UGT1A6: variants seen among roughly 807,000 people sequenced by gnomAD.
The protein encoded by UGT1A6 is UDP glucuronosyltransferase family 1 member A6, also known as UDP-glucuronosyltransferase 1A6.
Under a neutral mutation model 44.4 loss-of-function variants are expected in UGT1A6, and 32 were observed. That is an observed-to-expected ratio of 0.72 (90% CI 0.54 to 0.97). The LOEUF is 0.97. Ranked by LOEUF, UGT1A6 falls within the 50% of genes least tolerant of loss-of-function variation. UGT1A6 has a pLI of 0.00. For missense variants in UGT1A6, 685 were observed against 661.9 expected (o/e 1.03, Z -0.38); for synonymous variants, 238 against 248.5 (o/e 0.96, Z 0.40).
chr2:233,720,901 A>G (rs1393061406), intron 1 of UGT1A6, among the ~76,000 whole-genome samples: 5 of 132,048 alleles, frequency 3.8e-5, no homozygotes, highest in Admixed American at 7.7e-5. Flanking sequence ...AGTAGAGATG[A>G]GGTTTCGCAA....
At chr2:233,719,345 C>A in intron 1 of UGT1A6, 1 of 1,613,904 alleles carries the variant, frequency 6.2e-7, no homozygotes, top group Non-Finnish European at 8.5e-7. Context: ...TTTGGAGGTA[C>A]ATTCCATGTG....
chr2:233,704,493 GT>G (rs1301421606), intron 1 of UGT1A6, among the ~76,000 whole-genome samples: 1 of 151,394 alleles, frequency 6.6e-6, no homozygotes, highest in East Asian at 1.9e-4. Context: ...TGATATTATT[GT>G]TATACGTGGT....
At chr2:233,698,025 A>G (rs1191813775) in intron 1 of UGT1A6, among the ~76,000 whole-genome samples, 3 of 152,166 alleles carry the variant, frequency 2.0e-5, no homozygotes, top group Non-Finnish European at 2.9e-5. Context: ...GGTACCAATT[A>G]TCTTATTTTT....
intron 1 of UGT1A6, among the ~76,000 whole-genome samples, chr2:233,764,044 G>C (rs1237715809): frequency 6.6e-6 from 1 of 152,166 alleles, no homozygotes; most frequent in Non-Finnish European, 1.5e-5. Flanking sequence ...AAGAATTCTG[G>C]GAAAATGAAA....
chr2:233,770,205 T>G (rs1217853012), intron 4 of UGT1A6: 1 of 152,310 alleles, frequency 6.6e-6, no homozygotes, highest in Non-Finnish European at 1.5e-5. Flanking sequence ...TATTCATTTT[T>G]GAGCCATCCC....
intron 1 of UGT1A6, among the ~76,000 whole-genome samples, chr2:233,757,184 G>A (rs1386483916): frequency 6.6e-6 from 1 of 151,202 alleles, no homozygotes; most frequent in Non-Finnish European, 1.5e-5. Context: ...CAAGGCAGAG[G>A]ACTCTGAATT....
At chr2:233,725,020 A>T (rs1183477973) in intron 1 of UGT1A6, among the ~76,000 whole-genome samples, 2 of 147,776 alleles carry the variant, frequency 1.4e-5, no homozygotes. Flanking sequence ...AAACAGCAAA[A>T]CCCGGTCTCC....
Position 233,745,112 on chromosome 2 carries a change from G to A in UGT1A6, c.862-21922G>A, listed in dbSNP as rs1457181143. Among the ~76,000 whole-genome samples the A allele has an allele frequency of 3.3e-5, 5 of 151,730 alleles. No individual in the cohort carries two copies. In the South Asian group the frequency reaches 8.3e-4, roughly 25 times the overall value. On this transcript the variant is annotated intron_variant, in intron 1 of 4. Coordinates refer to ENST00000305139, the MANE Select transcript of UGT1A6 (RefSeq NM_001072.4). ...TCCCCCCAAATATTTTTAATCTGCT[G>A]TTGGCTGAATCTGCAGATGTGAAGC...
Position 233,772,346 on chromosome 2 carries a change from G to A in UGT1A6, c.1386G>A (p.Glu462=), listed in dbSNP as rs115944950. ...TGGACCTGGCCGTGTTCTGGGTGGA[G>A]TTTGTGATGAGGCACAAGGGCGCGC... The part of the protein sequence containing the change: ...EPLDLAVFWV[E]FVMRHKGAPH... Residue 462 remains glutamate, a synonymous_variant, in exon 5 of 5, where the codon GAG becomes GAA. Coordinates refer to ENST00000305139, the MANE Select transcript of UGT1A6 (RefSeq NM_001072.4). The A allele has an allele frequency of 6.2e-7, 1 of 1,614,250 alleles. No homozygotes were observed. Among genetic ancestry groups the A allele is most frequent in the African/African-American group, 1.3e-5 (1 of 75,066 alleles).
chr2:233,694,870 T>C (rs1475517927), intron 1 of UGT1A6, among the ~76,000 whole-genome samples: 1 of 152,238 alleles, frequency 6.6e-6, no homozygotes, highest in East Asian at 1.9e-4. Flanking sequence ...AATATAGTTG[T>C]ACACATTTGG....
At chr2:233,767,532 T>C (rs183725309) in intron 2 of UGT1A6, among the ~76,000 whole-genome samples, 16 of 152,382 alleles carry the variant, frequency 1.0e-4, no homozygotes, top group Non-Finnish European at 2.1e-4. Context: ...ATGTCTTACA[T>C]TTCTGCTCTT....
intron 1 of UGT1A6, among the ~76,000 whole-genome samples, chr2:233,724,330 C>T (rs1214568164): frequency 2.8e-4 from 34 of 121,600 alleles, no homozygotes; most frequent in South Asian, 1.2e-3. Context: ...GCTGGCCAGG[C>T]GGGGGGCTGA....
At chr2:233,735,813 T>C (rs1312279736) in intron 1 of UGT1A6, among the ~76,000 whole-genome samples, 1 of 152,232 alleles carries the variant, frequency 6.6e-6, no homozygotes, top group Non-Finnish European at 1.5e-5. Flanking sequence ...AAAATTCTTT[T>C]CTTTAAGAAT....
chr2:233,712,550 T>A (rs2076239846), intron 1 of UGT1A6, among the ~76,000 whole-genome samples: 2 of 151,862 alleles, frequency 1.3e-5, no homozygotes, highest in Admixed American at 1.3e-4. Flanking sequence ...GAAGAAAGAG[T>A]ATTAAGAGTT....
intron 1 of UGT1A6, among the ~76,000 whole-genome samples, chr2:233,716,634 C>T (rs1575513660): frequency 6.6e-6 from 1 of 152,096 alleles, no homozygotes; most frequent in Non-Finnish European, 1.5e-5. Context: ...AAGTTTTTAT[C>T]GTTTGTACTT....
In UGT1A6 at chr2:233,704,113, A is replaced by T. The variant is rs1013421072; in HGVS notation, c.861+10248A>T. 1.2e-4 allele frequency among the ~76,000 whole-genome samples: 18 copies of T among 149,824 alleles called. 1 individual carries two copies. On this transcript the variant is annotated intron_variant, in intron 1 of 4. Transcript: ENST00000305139. ...GCCATGTTGGTCAGTCTGGTCTCAA[A>T]CTCCTTACCTCAAGTGATCCACCCG... is the stretch of plus-strand genomic sequence containing the variant.
At chr2:233,746,301 T>C (rs1399652161) in intron 1 of UGT1A6, among the ~76,000 whole-genome samples, 3 of 151,760 alleles carry the variant, frequency 2.0e-5, no homozygotes, top group African/African-American at 7.3e-5. Flanking sequence ...TTTGTTTCCC[T>C]TGGAGGGCCC....
intron 1 of UGT1A6, chr2:233,754,561 A>G (rs1695515427): frequency 2.5e-6 from 1 of 393,304 alleles, no homozygotes; most frequent in Non-Finnish European, 5.1e-6. Context: ...GTCAATGGGG[A>G]GCAACTGCTC....
In UGT1A6 at chr2:233,765,523, G is replaced by A. The variant is rs34942302; in HGVS notation, c.862-1511G>A. On this transcript the variant is annotated intron_variant, in intron 1 of 4. Coordinates refer to ENST00000305139, the MANE Select transcript of UGT1A6 (RefSeq NM_001072.4). ...ACACAGGAACAGAAAATCAAACACCGCATGTTCTCACTCATAAGTGGGAGT... is the reference window on the plus strand; with the variant it reads ...ACACAGGAACAGAAAATCAAACACCACATGTTCTCACTCATAAGTGGGAGT... Among the ~76,000 whole-genome samples, 784 of 152,122 alleles carry A rather than the reference G, an allele frequency of 5.2e-3. 4 individuals are homozygous for A. Among genetic ancestry groups the A allele is most frequent in the Non-Finnish European group, 8.2e-3 (558 of 68,008 alleles).
Sources: allele counts gnomAD v4.1 joint callset (sites outside exome capture counted in the v4.1 genomes callset), GRCh38; gene constraint gnomAD v4.1.1; transcripts MANE v1.5; gene names NCBI Gene and HGNC (gene_info 2026-07-23, HGNC 2026-07-21).